The following NADSYN1 variants were observed in gnomAD, a reference collection of about 807,000 sequenced individuals.
NADSYN1 encodes glutamine-dependent NAD(+) synthetase.
Under a neutral mutation model 99.3 loss-of-function variants are expected in NADSYN1, and 80 were observed. The ratio of observed to expected loss-of-function variants is 0.81; its 90% confidence interval spans 0.67 to 0.97. NADSYN1 has a LOEUF of 0.97. NADSYN1 is among the 50% of genes least tolerant of loss of function. NADSYN1 has a pLI of 0.00. For synonymous variants in NADSYN1, 385 were observed against 372.1 expected (o/e 1.03, Z -0.40); for missense variants, 859 against 948.5 (o/e 0.91, Z 1.24).
intron 18 of NADSYN1, among the ~76,000 whole-genome samples, chr11:71,492,485 A>G (rs1004279311): frequency 5.9e-5 from 9 of 152,240 alleles, no homozygotes; most frequent in East Asian, 1.9e-4. Context: ...ATTCCTTTGC[A>G]TGGGAATATC....
chr11:71,461,803 G>A (rs1298523575), intron 3 of NADSYN1, among the ~76,000 whole-genome samples: 1 of 152,204 alleles, frequency 6.6e-6, no homozygotes, highest in East Asian at 1.9e-4. Flanking sequence ...GGAGGGGACA[G>A]TGCCAACCCA....
In NADSYN1 at chr11:71,478,481, A is replaced by G. The variant is rs1213346128; in HGVS notation, c.873+12A>G. 6.3e-7 allele frequency: 1 copy of G among 1,592,388 alleles called. No individual in the cohort carries two copies. Among genetic ancestry groups the G allele is most frequent in the Admixed American group, 1.8e-5 (1 of 56,836 alleles). Reference sequence around the variant, plus strand: ...CTCGAAACCTGGCGGTGAGTGCTCCAGTAGACACCTGTGTGGGATGCTCAT... The same window carrying G: ...CTCGAAACCTGGCGGTGAGTGCTCCGGTAGACACCTGTGTGGGATGCTCAT... On this transcript the variant is annotated intron_variant, in intron 10 of 20. Transcript: ENST00000319023.
chr11:71,470,054 C>A (rs1422928508), intron 5 of NADSYN1, among the ~76,000 whole-genome samples: 1 of 152,182 alleles, frequency 6.6e-6, no homozygotes, highest in East Asian at 1.9e-4. Flanking sequence ...GCTGGGGAGG[C>A]CTCACAATCA....
intron 18 of NADSYN1, 47 bp downstream of exon 18, chr11:71,491,950 C>T (rs1252323507): frequency 1.3e-6 from 2 of 1,558,320 alleles, no homozygotes; most frequent in Admixed American, 1.7e-5. Flanking sequence ...TCCTCCCCAC[C>T]TCCTGTGTGG....
At position 71,481,407 on chromosome 11, in the gene NADSYN1, A is replaced by G. The variant is rs762361307; in HGVS notation, c.1047+3A>G. 1.9e-5 allele frequency: 30 copies of G among 1,613,428 alleles called. No homozygotes were observed. The highest frequency in any genetic ancestry group is 1.6e-4 in the Middle Eastern group (1 of 6,072). On this transcript the variant is annotated splice_donor_region_variant and intron_variant, in intron 12 of 20. Transcript: ENST00000319023. ...ATTTTTTAAGACGAAGTCAACAGGT[A>G]AGACTTCCAGTTTCTAGTGAGCCCA...
intron 11 of NADSYN1, 40 bp from the exon 12 acceptor site, chr11:71,481,316 G>A (rs752182619): frequency 6.2e-7 from 1 of 1,610,812 alleles, no homozygotes; most frequent in Admixed American, 1.7e-5. Context: ...TGTGGGCAGG[G>A]GCCACCGCCT....
At chr11:71,463,141 G>A (rs1949561318) in intron 3 of NADSYN1, among the ~76,000 whole-genome samples, 1 of 152,164 alleles carries the variant, frequency 6.6e-6, no homozygotes, top group African/African-American at 2.4e-5. Flanking sequence ...AACAGAGGCT[G>A]GAACATTCCA....
rs185415031 is a variant in NADSYN1, at chr11:71,492,851, G to C, written c.1764+948G>C. Among the ~76,000 whole-genome samples, 3 of 152,076 alleles carry C rather than the reference G, an allele frequency of 2.0e-5. No homozygotes were observed. In the East Asian group the frequency reaches 5.8e-4, roughly 29 times the overall value. On this transcript the variant is annotated intron_variant, in intron 18 of 20. Coordinates refer to ENST00000319023, the MANE Select transcript of NADSYN1 (RefSeq NM_018161.5). ...GAACTCTTCTGATCCATGAACATGG[G>C]ACATGGAATGTCTTACTTATTTAAG... is the stretch of plus-strand genomic sequence containing the variant.
At chr11:71,484,473 C>G (rs1307219686) in intron 15 of NADSYN1, 26 bp downstream of exon 15, 2 of 1,604,316 alleles carry the variant, frequency 1.2e-6, no homozygotes, top group Non-Finnish European at 1.7e-6. Flanking sequence ...CCGGCGTCCC[C>G]TGGGGGTGGG....
chr11:71,497,312 G>A, intron 18 of NADSYN1, 171 bp from the exon 19 acceptor site: 1 of 728,936 alleles, frequency 1.4e-6, no homozygotes, highest in Non-Finnish European at 2.2e-6. Flanking sequence ...TTTTCCAAAT[G>A]CTACCTCCTT....
intron 8 of NADSYN1, 116 bp from the exon 9 acceptor site, chr11:71,474,279 T>C (rs1949649142): frequency 1.5e-6 from 2 of 1,369,148 alleles, no homozygotes; most frequent in Non-Finnish European, 2.0e-6. Flanking sequence ...TCTGCGGTGG[T>C]GGGACCACTC....
chr11:71,469,772 A>G (rs538426014), intron 5 of NADSYN1, among the ~76,000 whole-genome samples: 38 of 152,212 alleles, frequency 2.5e-4, no homozygotes, highest in African/African-American at 9.2e-4. Flanking sequence ...AGTGCTGCAG[A>G]GATTTTGTTT....
intron 10 of NADSYN1, chr11:71,479,341 T>G (rs1301575457): frequency 6.6e-6 from 1 of 152,000 alleles, no homozygotes; most frequent in East Asian, 1.9e-4. Flanking sequence ...AGCAATCCTC[T>G]TGCCTCGGCC....
chr11:71,498,166 C>T (rs1302751104), intron 19 of NADSYN1, among the ~76,000 whole-genome samples, 186 bp from the exon 20 acceptor site: 4 of 152,294 alleles, frequency 2.6e-5, no homozygotes, highest in African/African-American at 9.6e-5. Context: ...GCAGGGGGAC[C>T]CCGGTTTCAT....
Position 71,487,810 on chromosome 11 carries a change from G to A in NADSYN1, c.1562+2162G>A, listed in dbSNP as rs367732163. Among the ~76,000 whole-genome samples, 17 of 127,660 alleles carry A rather than the reference G, an allele frequency of 1.3e-4. No individual in the cohort carries two copies. In the East Asian group the frequency reaches 3.1e-3, roughly 23 times the overall value. 83.7% of individuals were successfully genotyped at this position (127,660 alleles called of 152,430 possible). ...CGCGCCACTGCACTCCAGCCTGGGC[G>A]ACAGAGCAAGACTCCGTCTCAAAAA... On this transcript the variant is annotated intron_variant, in intron 16 of 20. Transcript: ENST00000319023.
intron 10 of NADSYN1, 37 bp from the exon 11 acceptor site, chr11:71,480,718 A>C: frequency 1.2e-6 from 2 of 1,613,502 alleles, no homozygotes; most frequent in Non-Finnish European, 1.7e-6. Context: ...GTTTCCGTGA[A>C]GCTGGGAGTC....
At chr11:71,462,532 G>A (rs1198505124) in intron 3 of NADSYN1, among the ~76,000 whole-genome samples, 1 of 152,128 alleles carries the variant, frequency 6.6e-6, no homozygotes, top group Admixed American at 6.5e-5. Context: ...AGCAGGCTGT[G>A]CCCTGACCAC....
intron 9 of NADSYN1, chr11:71,476,700 GA>G: frequency 1.1e-6 from 1 of 931,068 alleles, no homozygotes; most frequent in Non-Finnish European, 1.2e-6. Flanking sequence ...CTGCTGATGG[GA>G]AGTGTGGTCC....
chr11:71,489,304 G>T (rs956653774), intron 16 of NADSYN1, among the ~76,000 whole-genome samples: 6 of 152,104 alleles, frequency 3.9e-5, no homozygotes, highest in Non-Finnish European at 8.8e-5. Context: ...TCACCAGTCC[G>T]CCAGTTCAGT....
Sources: gnomAD v4.1 joint callset for allele counts (sites outside exome capture counted in the v4.1 genomes callset) on GRCh38, gnomAD v4.1.1 for gene constraint, MANE v1.5 for transcripts, NCBI Gene and HGNC (gene_info 2026-07-23, HGNC 2026-07-21) for gene names.